Variants in AMPH observed in about 807,000 individuals in gnomAD.
AMPH encodes the protein amphiphysin, also known as amphiphysin (Stiff-Mann syndrome with breast cancer 128kD autoantigen).
AMPH carries 49 observed loss-of-function variants against 99.1 expected under a neutral mutation model. That is an observed-to-expected ratio of 0.49 (90% CI 0.39 to 0.63). The LOEUF is 0.63. Ranked by LOEUF, AMPH falls within the 20% of genes least tolerant of loss-of-function variation. The probability of loss-of-function intolerance (pLI) is 0.00; values close to 1 mark genes in which losing one functional copy is unlikely to be tolerated. For synonymous variants in AMPH, 314 were observed against 317.3 expected (o/e 0.99, Z 0.11); for missense variants, 759 against 863.4 (o/e 0.88, Z 1.52).
chr7:38,395,941 C>T (rs1469611684), intron 17 of AMPH, among the ~76,000 whole-genome samples: 6 of 152,156 alleles, frequency 3.9e-5, no homozygotes, highest in Non-Finnish European at 7.3e-5. Flanking sequence ...AGAATATATA[C>T]AGTACATTTT....
At chr7:38,567,672 T>C (rs1432942854) in intron 1 of AMPH, among the ~76,000 whole-genome samples, 3 of 152,240 alleles carry the variant, frequency 2.0e-5, no homozygotes, top group African/African-American at 7.2e-5. Flanking sequence ...ATCAAATGGA[T>C]GTTACTAACC....
At chr7:38,581,831 T>C (rs1792477190) in intron 1 of AMPH, among the ~76,000 whole-genome samples, 1 of 152,136 alleles carries the variant, frequency 6.6e-6, no homozygotes, top group South Asian at 2.1e-4. Flanking sequence ...TGACTCCATG[T>C]TTCTGGACTG....
intron 1 of AMPH, among the ~76,000 whole-genome samples, chr7:38,600,034 C>T (rs186306971): frequency 6.6e-6 from 1 of 151,976 alleles, no homozygotes; most frequent in Admixed American, 6.6e-5. Flanking sequence ...AGGACCACTC[C>T]CAAACAACAA....
In AMPH at chr7:38,555,090, C is replaced by T. The variant is rs73692774; in HGVS notation, c.70-20079G>A. Among the ~76,000 whole-genome samples, 1,248 of 152,212 alleles carry T rather than the reference C, an allele frequency of 8.2e-3. 26 individuals are homozygous for T. The highest frequency in any genetic ancestry group is 0.028 in the African/African-American group (1,169 of 41,526). ...AGTGGTGAGCACAACTTGGCCATGG[C>T]ATTTGAGGTCCACAGTCCCATGTCA... is the stretch of plus-strand genomic sequence containing the variant. On this transcript the variant is annotated intron_variant, in intron 1 of 20. Transcript: ENST00000356264.
At chr7:38,428,858 A>G (rs1233126356) in intron 14 of AMPH, 1 of 554,486 alleles carries the variant, frequency 1.8e-6, no homozygotes, top group Non-Finnish European at 3.2e-6. Context: ...AATAATTTTC[A>G]TTGGCGTTTG....
intron 2 of AMPH, among the ~76,000 whole-genome samples, chr7:38,513,215 C>G (rs1176734944): frequency 3.3e-5 from 5 of 152,188 alleles, no homozygotes; most frequent in Non-Finnish European, 5.9e-5. Context: ...GCAGTCTTAA[C>G]TAAGAGCTCA....
intron 20 of AMPH, among the ~76,000 whole-genome samples, chr7:38,388,721 C>T (rs1012178533): frequency 2.0e-5 from 3 of 151,968 alleles, no homozygotes; most frequent in African/African-American, 7.3e-5. Context: ...CTCACTGCAG[C>T]CTTGAATTCC....
chr7:38,406,783 G>A (rs1487835947), intron 17 of AMPH, among the ~76,000 whole-genome samples: 1 of 93,380 alleles, frequency 1.1e-5, no homozygotes, highest in African/African-American at 4.9e-5. Flanking sequence ...TCTCGTGCTG[G>A]ATGCCTGCTT....
At chr7:38,552,212 T>C (rs746469478) in intron 1 of AMPH, among the ~76,000 whole-genome samples, 7 of 152,146 alleles carry the variant, frequency 4.6e-5, no homozygotes, top group Non-Finnish European at 7.3e-5. Flanking sequence ...CTGTACCAAA[T>C]GGACTTGGAG....
intron 2 of AMPH, among the ~76,000 whole-genome samples, chr7:38,532,348 AGT>A (rs1474935054): frequency 6.6e-6 from 1 of 152,208 alleles, no homozygotes; most frequent in Non-Finnish European, 1.5e-5. Context: ...ATATTTTCAA[AGT>A]GAACCAAATG....
chr7:38,561,587 T>C (rs1425793692), intron 1 of AMPH, among the ~76,000 whole-genome samples: 1 of 152,190 alleles, frequency 6.6e-6, no homozygotes, highest in East Asian at 1.9e-4. Context: ...GATTGAACCC[T>C]CAATGAAGGA....
rs1321057001 is a variant in AMPH, at chr7:38,475,318, G to T, written c.590+13C>A. 1 of 1,584,358 alleles carries T rather than the reference G, an allele frequency of 6.3e-7. No individual in the cohort carries two copies. The highest frequency in any genetic ancestry group is 8.7e-7 in the Non-Finnish European group (1 of 1,153,962). ...AAAAGGAACATGTGCAACCCATAGA[G>T]AAACATTTTTACCTTGACCATAATG... On this transcript the variant is annotated intron_variant, in intron 7 of 20. Coordinates refer to ENST00000356264, the MANE Select transcript of AMPH (RefSeq NM_001635.4).
intron 1 of AMPH, among the ~76,000 whole-genome samples, chr7:38,615,035 A>C (rs1327274617): frequency 6.6e-6 from 1 of 152,200 alleles, no homozygotes. Context: ...TTACTCCCCT[A>C]CACTACATGA....
At chr7:38,434,880 A>G (rs1786199811) in intron 12 of AMPH, among the ~76,000 whole-genome samples, 1 of 152,218 alleles carries the variant, frequency 6.6e-6, no homozygotes, top group Non-Finnish European at 1.5e-5. Context: ...TTTCTTGGTC[A>G]CCAAGGTGGA....
At position 38,482,181 on chromosome 7, in the gene AMPH, T is replaced by C. The variant is rs1046338252; in HGVS notation, c.397-5212A>G. 2.6e-5 allele frequency among the ~76,000 whole-genome samples: 4 copies of C among 152,168 alleles called. 1 individual carries two copies. Among genetic ancestry groups the C allele is most frequent in the East Asian group, 1.9e-4 (1 of 5,186 alleles). ...ATGGCTTCACAATTATCTATCTTGG[T>C]TGATAGCCTCTATGTATGCTCCAGT... On this transcript the variant is annotated intron_variant, in intron 5 of 20. Coordinates refer to ENST00000356264, the MANE Select transcript of AMPH (RefSeq NM_001635.4).
At chr7:38,437,913 C>T (rs901155154) in intron 11 of AMPH, among the ~76,000 whole-genome samples, 14 of 152,152 alleles carry the variant, frequency 9.2e-5, no homozygotes, top group African/African-American at 2.9e-4. Context: ...ATATGTCATG[C>T]TATTAGCCTT....
chr7:38,395,578 A>G (rs1784645080), intron 17 of AMPH, among the ~76,000 whole-genome samples: 1 of 152,240 alleles, frequency 6.6e-6, no homozygotes, highest in African/African-American at 2.4e-5. Context: ...TGAGAGGTTC[A>G]CGTGAGAAAG....
intron 1 of AMPH, among the ~76,000 whole-genome samples, chr7:38,571,415 TA>T (rs1792020872): frequency 1.5e-5 from 1 of 67,924 alleles, no homozygotes; most frequent in African/African-American, 6.2e-5. Context: ...AGAATATATA[TA>T]TTTATATATA....
At chr7:38,535,667 T>C (rs1790570955) in intron 1 of AMPH, among the ~76,000 whole-genome samples, 2 of 152,178 alleles carry the variant, frequency 1.3e-5, no homozygotes, top group South Asian at 4.1e-4. Context: ...TGCAACTAAA[T>C]GGTCCTATCT....
Sources: gnomAD v4.1 joint callset for allele counts (sites outside exome capture counted in the v4.1 genomes callset) on GRCh38, gnomAD v4.1.1 for gene constraint, MANE v1.5 for transcripts, NCBI Gene and HGNC (gene_info 2026-07-23, HGNC 2026-07-21) for gene names.